Variants in MAGI2 observed in about 807,000 individuals in gnomAD.
MAGI2 encodes membrane-associated guanylate kinase, WW and PDZ domain-containing protein 2.
In MAGI2, 35 loss-of-function variants were observed where a neutral mutation model predicts 133.3. The ratio of observed to expected loss-of-function variants is 0.26; its 90% CI spans 0.20 to 0.35. The LOEUF is 0.35. Ranked by LOEUF, MAGI2 falls within the 10% of genes least tolerant of loss-of-function variation. The pLI is 1.00. For missense variants in MAGI2, 1,636 were observed against 1,863.4 expected (o/e 0.88, Z 2.25); for synonymous variants, 729 against 710.6 (o/e 1.03, Z -0.41).
At chr7:78,343,648 T>A in intron 9 of MAGI2, 130 bp downstream of exon 9, 2 of 563,674 alleles carry the variant, frequency 3.5e-6, no homozygotes, top group Non-Finnish European at 5.5e-6. Context: ...AAACATAATT[T>A]ATGCTTCATG....
chr7:78,228,991 C>T (rs533912806), intron 10 of MAGI2, among the ~76,000 whole-genome samples: 2 of 152,362 alleles, frequency 1.3e-5, no homozygotes, highest in Admixed American at 6.5e-5. Flanking sequence ...TCTAGAATCT[C>T]GTGCCCACAG....
At chr7:78,716,307 G>T (rs1411555343) in intron 2 of MAGI2, among the ~76,000 whole-genome samples, 1 of 152,196 alleles carries the variant, frequency 6.6e-6, no homozygotes, top group Non-Finnish European at 1.5e-5. Flanking sequence ...GTGTATGCAT[G>T]TATCAATCCT....
intron 1 of MAGI2, among the ~76,000 whole-genome samples, chr7:79,280,399 C>T (rs1374832849): frequency 1.3e-5 from 2 of 151,826 alleles, no homozygotes; most frequent in Admixed American, 6.6e-5. Flanking sequence ...ATAAAGATAC[C>T]TATCCAAGTC....
At chr7:78,201,281 T>C (rs1369783825) in intron 10 of MAGI2, 88 bp from the exon 11 acceptor site, 7 of 619,162 alleles carry the variant, frequency 1.1e-5, no homozygotes, top group Non-Finnish European at 1.9e-5. Flanking sequence ...TTGTAATTGA[T>C]TTTAAATTAG....
intron 1 of MAGI2, among the ~76,000 whole-genome samples, chr7:79,360,672 T>C (rs1463776072): frequency 6.6e-6 from 1 of 152,078 alleles, no homozygotes; most frequent in South Asian, 2.1e-4. Context: ...ATGTATATTG[T>C]AACACCCAGA....
At chr7:78,510,860 C>T (rs1205566831) in intron 4 of MAGI2, among the ~76,000 whole-genome samples, 2 of 152,180 alleles carry the variant, frequency 1.3e-5, no homozygotes, top group Admixed American at 1.3e-4. Flanking sequence ...CGCAGCTCCC[C>T]AATTTTATAC....
intron 2 of MAGI2, among the ~76,000 whole-genome samples, chr7:78,790,805 T>C (rs1563510170): frequency 2.0e-5 from 3 of 152,194 alleles, no homozygotes; most frequent in Admixed American, 1.3e-4. Context: ...GTACTCACTA[T>C]ACACTTACTA....
At chr7:78,475,672 T>C (rs547222861) in intron 6 of MAGI2, among the ~76,000 whole-genome samples, 10 of 151,934 alleles carry the variant, frequency 6.6e-5, no homozygotes, top group African/African-American at 2.4e-4. Context: ...CTTAAATGTA[T>C]TCATAATAGC....
rs569819279 is a variant in MAGI2, at chr7:78,302,759, C to G, written c.1408+41019G>C. ...TTAAAATTTTATCATCTCTAAAACT[C>G]TTAATTCCTACTCCCCCATTCCCCA... On this transcript the variant is annotated intron_variant, in intron 9 of 21. Transcript: ENST00000354212. 1.7e-4 allele frequency among the ~76,000 whole-genome samples: 26 copies of G among 152,296 alleles called. No individual in the cohort carries two copies. In the East Asian group the frequency reaches 4.6e-3, roughly 27 times the overall value.
chr7:78,159,793 G>A (rs1016787950), intron 16 of MAGI2: 6 of 374,408 alleles, frequency 1.6e-5, no homozygotes, highest in Non-Finnish European at 1.9e-5. Context: ...GCTTTTATAG[G>A]GGTGGAGGAG....
intron 7 of MAGI2, chr7:78,348,319 G>A (rs1562866319): frequency 6.6e-6 from 1 of 152,146 alleles, no homozygotes; most frequent in Non-Finnish European, 1.5e-5. Context: ...TACATCACGG[G>A]TTGCTGTGAG....
intron 2 of MAGI2, among the ~76,000 whole-genome samples, chr7:78,838,274 A>C (rs150691212): frequency 5.6e-4 from 85 of 152,106 alleles, no homozygotes; most frequent in Non-Finnish European, 1.1e-3. Flanking sequence ...ATAAATCTTG[A>C]AAACTTGAAC....
intron 1 of MAGI2, among the ~76,000 whole-genome samples, chr7:79,058,229 T>C (rs1813348131): frequency 6.6e-6 from 1 of 152,076 alleles, no homozygotes; most frequent in Non-Finnish European, 1.5e-5. Context: ...TTAGTTCAAT[T>C]TTTTTCTATG....
chr7:79,142,484 G>A (rs566305846), intron 1 of MAGI2, among the ~76,000 whole-genome samples: 4 of 152,228 alleles, frequency 2.6e-5, no homozygotes, highest in African/African-American at 9.6e-5. Flanking sequence ...CCTTGGTTTC[G>A]GGGTTACCGT....
In MAGI2 at chr7:78,536,103, C is replaced by CTTTTTTTTT. The variant is rs544655465; in HGVS notation, c.539-14467_539-14459dup. On this transcript the variant is annotated intron_variant, in intron 3 of 21. Transcript: ENST00000354212. ...TACAGCTGGCTCTGTATGAATTAAA[C>CTTTTTTTTT]TTTTTTTTTTTTTTTTTTTTTTTTT... 1.7e-3 allele frequency among the ~76,000 whole-genome samples: 102 copies of CTTTTTTTTT among 59,938 alleles called. 15 individuals are homozygous for CTTTTTTTTT. Among genetic ancestry groups the CTTTTTTTTT allele is most frequent in the African/African-American group, 5.7e-3 (75 of 13,224 alleles). 39.3% of individuals were successfully genotyped at this position (59,938 alleles called of 152,430 possible). A position where few individuals can be genotyped will look rare whatever the true frequency, so the allele number is the denominator to read the frequency against.
intron 1 of MAGI2, among the ~76,000 whole-genome samples, chr7:79,142,264 C>T (rs1488747501): frequency 2.0e-5 from 3 of 152,104 alleles, no homozygotes; most frequent in Admixed American, 1.3e-4. Flanking sequence ...TTGATTGGTT[C>T]ATGTTTTTAC....
intron 1 of MAGI2, among the ~76,000 whole-genome samples, chr7:79,395,489 T>G (rs749569174): frequency 1.3e-5 from 2 of 152,182 alleles, no homozygotes; most frequent in African/African-American, 2.4e-5. Flanking sequence ...TTCTTATAAC[T>G]GTGTCTAGTG....
At chr7:78,837,364 A>G (rs73137279) in intron 2 of MAGI2, among the ~76,000 whole-genome samples, 10,287 of 152,156 alleles carry the variant, frequency 0.068, 453 homozygotes, top group African/African-American at 0.13. Context: ...GGTTTGATTA[A>G]ATCATTTTTC....
At chr7:78,440,408 A>G (rs1438000537) in intron 6 of MAGI2, among the ~76,000 whole-genome samples, 3 of 152,160 alleles carry the variant, frequency 2.0e-5, no homozygotes, top group African/African-American at 7.2e-5. Flanking sequence ...ATGAGAAACC[A>G]TGAGGGTCTG....
Sources: allele counts gnomAD v4.1 joint callset (sites outside exome capture counted in the v4.1 genomes callset), GRCh38; gene constraint gnomAD v4.1.1; transcripts MANE v1.5; gene names NCBI Gene and HGNC (gene_info 2026-07-23, HGNC 2026-07-21).